PTPRN2: variants seen among roughly 807,000 people sequenced by gnomAD.
The protein encoded by PTPRN2 is receptor-type tyrosine-protein phosphatase N2.
PTPRN2 carries 74 observed loss-of-function variants against 118.8 expected under a neutral mutation model. The ratio of observed to expected loss-of-function variants is 0.62; its 90% confidence interval spans 0.52 to 0.76. The LOEUF is 0.76. PTPRN2 is among the 30% of genes least tolerant of loss of function. The pLI, the probability that PTPRN2 is intolerant of heterozygous loss-of-function variation, is 0.00. For missense variants in PTPRN2, 1,481 were observed against 1,394.4 expected (o/e 1.06, Z -0.99); for synonymous variants, 641 against 608.0 (o/e 1.05, Z -0.80).
rs556317422 is a variant in PTPRN2 at position 158,157,739 on chromosome 7, A to G, written c.910+9192T>C. ...GAACCCTGTTCCCGCTATATAAGCCACAGAGTGACCCCCCCAGCACCCCGG... is the reference window on the plus strand; with the variant it reads ...GAACCCTGTTCCCGCTATATAAGCCGCAGAGTGACCCCCCCAGCACCCCGG... On this transcript the variant is annotated intron_variant, in intron 6 of 22. Coordinates refer to ENST00000389418, the MANE Select transcript of PTPRN2 (RefSeq NM_002847.5). Among the ~76,000 whole-genome samples, 94 of 150,414 alleles carry G rather than the reference A, an allele frequency of 6.2e-4. 1 individual carries two copies. The highest frequency in any genetic ancestry group is 2.3e-3 in the African/African-American group (91 of 40,432).
chr7:158,486,262 C>T (rs1283871819), intron 2 of PTPRN2, among the ~76,000 whole-genome samples: 3 of 152,216 alleles, frequency 2.0e-5, no homozygotes, highest in African/African-American at 7.2e-5. Flanking sequence ...ACCAGCAGGG[C>T]GTGAAAGCGA....
chr7:158,278,693 T>A (rs938480900), intron 3 of PTPRN2, among the ~76,000 whole-genome samples: 1 of 152,172 alleles, frequency 6.6e-6, no homozygotes. Flanking sequence ...AAAGATGGTG[T>A]GTCCAGAGTT....
intron 12 of PTPRN2, among the ~76,000 whole-genome samples, chr7:157,846,357 C>T (rs1049216628): frequency 3.3e-5 from 5 of 152,116 alleles, no homozygotes; most frequent in Non-Finnish European, 5.9e-5. Context: ...CCTTCAGAGA[C>T]GTATTGAGAG....
chr7:158,252,172 T>C (rs11978471), intron 3 of PTPRN2, among the ~76,000 whole-genome samples: 121,632 of 152,184 alleles, frequency 0.8, 49,022 homozygotes, highest in African/African-American at 0.89. Flanking sequence ...CTCAGCTGCT[T>C]GGAGTGGGTG....
At chr7:157,852,824 G>A (rs927024705) in intron 12 of PTPRN2, among the ~76,000 whole-genome samples, 9 of 135,594 alleles carry the variant, frequency 6.6e-5, no homozygotes, top group South Asian at 2.3e-4. Context: ...AGCCAAGATC[G>A]CACCACTGCA....
intron 11 of PTPRN2, among the ~76,000 whole-genome samples, chr7:157,939,172 C>A (rs565054767): frequency 2.0e-5 from 3 of 152,076 alleles, no homozygotes; most frequent in African/African-American, 4.8e-5. Context: ...GTTTCCAGCA[C>A]GCAAATTCTG....
intron 2 of PTPRN2, among the ~76,000 whole-genome samples, chr7:158,486,317 A>G (rs560806261): frequency 1.5e-4 from 23 of 152,358 alleles, no homozygotes; most frequent in Non-Finnish European, 3.2e-4. Flanking sequence ...TAATCTTCAT[A>G]GATTTGTTTT....
At chr7:158,016,140 A>T (rs556755608) in intron 11 of PTPRN2, among the ~76,000 whole-genome samples, 19 of 152,322 alleles carry the variant, frequency 1.2e-4, no homozygotes, top group African/African-American at 4.1e-4. Context: ...TCTCAGAGAA[A>T]AAACGATGCT....
intron 21 of PTPRN2, among the ~76,000 whole-genome samples, chr7:157,559,316 G>A (rs765235018): frequency 9.2e-5 from 14 of 152,212 alleles, no homozygotes; most frequent in Non-Finnish European, 2.1e-4. Flanking sequence ...GGGCCTGCGG[G>A]CTGGGCAGGG....
chr7:157,759,775 A>T (rs1221727132), intron 12 of PTPRN2, among the ~76,000 whole-genome samples: 27 of 152,244 alleles, frequency 1.8e-4, no homozygotes, highest in Admixed American at 1.8e-3. Context: ...GGCAGCGATT[A>T]TAATGGAAGT....
chr7:158,289,882 G>A (rs562462196), intron 3 of PTPRN2, among the ~76,000 whole-genome samples: 10 of 152,320 alleles, frequency 6.6e-5, no homozygotes, highest in African/African-American at 1.9e-4. Context: ...ATGCTCCATA[G>A]GTAGGCTTGC....
intron 11 of PTPRN2, among the ~76,000 whole-genome samples, chr7:157,928,769 G>C (rs1217165488): frequency 6.7e-6 from 1 of 150,150 alleles, no homozygotes; most frequent in East Asian, 2.0e-4. Context: ...GGATGGGAGA[G>C]AGAGCGGGGC....
chr7:158,357,489 C>A (rs2151280721), intron 2 of PTPRN2, among the ~76,000 whole-genome samples: 1 of 152,360 alleles, frequency 6.6e-6, no homozygotes, highest in African/African-American at 2.4e-5. Flanking sequence ...AGACCCCGGA[C>A]AAGGCCAGGG....
At chr7:158,271,011 A>ACCCCTCCACCTGGACGGC (rs1201103731) in intron 3 of PTPRN2, among the ~76,000 whole-genome samples, 2 of 32,834 alleles carry the variant, frequency 6.1e-5, no homozygotes, top group African/African-American at 3.1e-4. Context: ...CACCTGGACC[A>ACCCCTCCACCTGGACGGC]CCCCTCCACC....
chr7:158,266,560 G>A (rs1027744534), intron 3 of PTPRN2, among the ~76,000 whole-genome samples: 14 of 152,162 alleles, frequency 9.2e-5, no homozygotes, highest in African/African-American at 2.2e-4. Context: ...AGAAAGAGCC[G>A]GGGCCAGTGT....
chr7:157,924,636 T>C (rs1024430809), intron 11 of PTPRN2, among the ~76,000 whole-genome samples: 1 of 152,244 alleles, frequency 6.6e-6, no homozygotes, highest in African/African-American at 2.4e-5. Context: ...CCTCGCTTTA[T>C]TTCAGGTACA....
At chr7:158,359,591 G>C (rs1159345070) in intron 2 of PTPRN2, among the ~76,000 whole-genome samples, 8 of 152,078 alleles carry the variant, frequency 5.3e-5, no homozygotes, top group Admixed American at 3.9e-4. Context: ...TTTTTTCAAA[G>C]ATTAAACATA....
chr7:157,771,524 T>C (rs6974978), intron 12 of PTPRN2, among the ~76,000 whole-genome samples: 6,170 of 152,206 alleles, frequency 0.041, 311 homozygotes, highest in African/African-American at 0.1. Flanking sequence ...GAGTGCTGGA[T>C]CTGGGACTCC....
chr7:158,044,984 T>C (rs1198995154), intron 11 of PTPRN2, among the ~76,000 whole-genome samples: 3 of 152,218 alleles, frequency 2.0e-5, no homozygotes, highest in Non-Finnish European at 4.4e-5. Flanking sequence ...CCTTGAGAGT[T>C]ATGTCAATAA....
Sources: gnomAD v4.1 joint callset for allele counts (sites outside exome capture counted in the v4.1 genomes callset) on GRCh38, gnomAD v4.1.1 for gene constraint, MANE v1.5 for transcripts, NCBI Gene and HGNC (gene_info 2026-07-23, HGNC 2026-07-21) for gene names.